MND1: variants seen among roughly 807,000 people sequenced by gnomAD.
The protein encoded by MND1 is meiotic nuclear division protein 1 homolog.
In MND1, 28 loss-of-function variants were observed where a neutral mutation model predicts 35.1. The observed-to-expected ratio is 0.80, with a 90% CI of 0.59 to 1.09. The LOEUF is 1.09. Ranked by LOEUF, MND1 falls within the 50% of genes least tolerant of loss-of-function variation. The pLI is 0.00. For synonymous variants in MND1, 69 were observed against 70.5 expected (o/e 0.98, Z 0.11); for missense variants, 213 against 239.6 (o/e 0.89, Z 0.73).
rs566623646 is a variant in MND1, at chr4:153,392,941, G to A, written c.277-1321G>A. On this transcript the variant is annotated intron_variant, in intron 4 of 7. Coordinates refer to ENST00000240488, the MANE Select transcript of MND1 (RefSeq NM_032117.4). Reference sequence around the variant, plus strand: ...TCAAGACCAGCCTGGGCAACATGGCGAAACTCCAGCTCTAGAAAAAATTAT... The same window carrying A: ...TCAAGACCAGCCTGGGCAACATGGCAAAACTCCAGCTCTAGAAAAAATTAT... Among the ~76,000 whole-genome samples the A allele has an allele frequency of 5.0e-4, 76 of 152,146 alleles. 2 individuals are homozygous for A. The highest frequency in any genetic ancestry group is 1.8e-3 in the African/African-American group (75 of 41,518).
intron 4 of MND1, chr4:153,361,681 C>CA (rs34291867): frequency 4.0e-5 from 15 of 378,154 alleles, no homozygotes; most frequent in African/African-American, 8.6e-5. Context: ...ACTAAAAATA[C>CA]AAAAAAAATA....
At chr4:153,408,912 G>GTGTGTATATATATATA (rs936713652) in intron 6 of MND1, 59 bp from the exon 7 acceptor site, 1 of 281,220 alleles carries the variant, frequency 3.6e-6, no homozygotes, top group Non-Finnish European at 5.6e-6. Context: ...CATTTTGTGT[G>GTGTGTATATATATATA]TATATATATA....
chr4:153,345,193 G>C (rs1269322041), intron 1 of MND1, among the ~76,000 whole-genome samples: 1 of 152,254 alleles, frequency 6.6e-6, no homozygotes, highest in African/African-American at 2.4e-5. Flanking sequence ...GAGAGAAAGC[G>C]CAAGTGGGCG....
At chr4:153,349,085 G>A (rs1291851604) in intron 1 of MND1, among the ~76,000 whole-genome samples, 1 of 136,320 alleles carries the variant, frequency 7.3e-6, no homozygotes, top group African/African-American at 2.9e-5. Context: ...GGAGGTGATA[G>A]TTCTCACTCT....
At chr4:153,349,926 G>A (rs1410386923) in intron 1 of MND1, 138 bp from the exon 2 acceptor site, 9 of 579,526 alleles carry the variant, frequency 1.6e-5, no homozygotes, top group Middle Eastern at 8.9e-4. Context: ...ATTAAAATGA[G>A]TCTTTAGGTC....
chr4:153,344,845 G>T, intron 1 of MND1, 105 bp downstream of exon 1: 5 of 1,512,218 alleles, frequency 3.3e-6, no homozygotes, highest in Middle Eastern at 1.7e-4. Flanking sequence ...CCGCCATTCC[G>T]GGCCGCGGGA....
At chr4:153,377,744 C>T (rs1476975396) in intron 4 of MND1, among the ~76,000 whole-genome samples, 1 of 152,102 alleles carries the variant, frequency 6.6e-6, no homozygotes, top group African/African-American at 2.4e-5. Flanking sequence ...CACTATAGCG[C>T]AGTGATTTAA....
chr4:153,386,191 GT>G (rs1296590861), intron 4 of MND1, among the ~76,000 whole-genome samples: 4 of 149,106 alleles, frequency 2.7e-5, no homozygotes, highest in African/African-American at 2.5e-5. Flanking sequence ...TTTTGTTTTT[GT>G]TTTTTTTTAA....
rs1728895335 is a variant in MND1 at position 153,387,261 on chromosome 4, C to T, written c.277-7001C>T. ...TCAGTTGTATCCCACGGGAATTTTT[C>T]ATTAAAAATACTTTGAAAACACTTC... On this transcript the variant is annotated intron_variant, in intron 4 of 7. Transcript: ENST00000240488. Among the ~76,000 whole-genome samples the T allele has an allele frequency of 2.0e-5, 3 of 152,032 alleles. No individual in the cohort carries two copies. The South Asian group carries it at 6.3e-4, about 32-fold the overall frequency.
chr4:153,361,955 G>A (rs906637810), intron 4 of MND1, among the ~76,000 whole-genome samples: 16 of 151,918 alleles, frequency 1.1e-4, no homozygotes, highest in African/African-American at 3.9e-4. Flanking sequence ...CGTCTATGTT[G>A]TTTAAGAACT....
chr4:153,357,023 A>G (rs1773363116), intron 3 of MND1, among the ~76,000 whole-genome samples: 1 of 152,128 alleles, frequency 6.6e-6, no homozygotes. Context: ...GGGATTTGCC[A>G]TGTTGGCCAG....
At chr4:153,409,153 C>A in intron 7 of MND1, 138 bp downstream of exon 7, 2 of 301,220 alleles carry the variant, frequency 6.6e-6, no homozygotes, top group Non-Finnish European at 1.3e-5. Context: ...CAAATGTTTA[C>A]ATATTAAATC....
At chr4:153,386,371 C>T (rs183232176) in intron 4 of MND1, among the ~76,000 whole-genome samples, 23 of 151,732 alleles carry the variant, frequency 1.5e-4, no homozygotes, top group South Asian at 1.3e-3. Context: ...ATGGTGCATA[C>T]CTGTAGTCCT....
chr4:153,352,536 A>G (rs1197180669), intron 2 of MND1, among the ~76,000 whole-genome samples: 1 of 152,134 alleles, frequency 6.6e-6, no homozygotes, highest in Admixed American at 6.5e-5. Context: ...GGATTAAATA[A>G]GATAATATGA....
At chr4:153,365,357 ACT>A (rs1042869190) in intron 4 of MND1, among the ~76,000 whole-genome samples, 4 of 152,120 alleles carry the variant, frequency 2.6e-5, no homozygotes, top group African/African-American at 9.7e-5. Flanking sequence ...AAGAGAAAAA[ACT>A]CTAGAAAGGA....
intron 4 of MND1, among the ~76,000 whole-genome samples, chr4:153,373,550 G>A (rs565513540): frequency 6.6e-6 from 1 of 152,256 alleles, no homozygotes; most frequent in South Asian, 2.1e-4. Flanking sequence ...AAAAAATTGA[G>A]CTTAATGTCA....
chr4:153,355,670 TA>T lies in MND1; in HGVS notation c.90del (p.Asp31ThrfsTer17). On this transcript the variant is annotated frameshift_variant, in exon 3 of 8. Transcript: ENST00000240488. LOFTEE classifies it high-confidence loss of function. ...IFSETKDVFQ[L>X]KDLEKIAPKE... ...TTTAAACAGAAAGATGTATTTCAAT[TA>T]AAAGACTTGGAGAAGATTGCTCCCA... The T allele has an allele frequency of 6.3e-7, 1 of 1,585,946 alleles. No homozygotes were observed. Among genetic ancestry groups the T allele is most frequent in the Non-Finnish European group, 8.7e-7 (1 of 1,156,022 alleles).
chr4:153,361,792 C>T (rs1390875007), intron 4 of MND1, among the ~76,000 whole-genome samples: 1 of 151,462 alleles, frequency 6.6e-6, no homozygotes, highest in East Asian at 1.9e-4. Flanking sequence ...GAGCCAAGAT[C>T]GCGCCACTGC....
chr4:153,404,053 G>A (rs12502274), intron 6 of MND1, among the ~76,000 whole-genome samples: 42,111 of 151,704 alleles, frequency 0.28, 6,629 homozygotes, highest in African/African-American at 0.43. Context: ...ACACTGGAGT[G>A]AAAATGTTTC....
Sources: allele counts gnomAD v4.1 joint callset (sites outside exome capture counted in the v4.1 genomes callset), GRCh38; gene constraint gnomAD v4.1.1; transcripts MANE v1.5; gene names NCBI Gene and HGNC (gene_info 2026-07-23, HGNC 2026-07-21).